Variants in NT5C3A observed in about 807,000 individuals in gnomAD.
NT5C3A encodes the protein cytosolic 5'-nucleotidase 3A.
NT5C3A carries 23 observed loss-of-function variants against 40.0 expected under a neutral mutation model. That is an observed-to-expected ratio of 0.58 (90% CI 0.41 to 0.81). The LOEUF is 0.81. NT5C3A is among the 40% of genes least tolerant of loss of function. The pLI, the probability that NT5C3A is intolerant of heterozygous loss-of-function variation, is 0.00. For missense variants in NT5C3A, 328 were observed against 403.0 expected (o/e 0.81, Z 1.59); for synonymous variants, 130 against 141.4 (o/e 0.92, Z 0.57).
In NT5C3A at chr7:33,040,951, A is replaced by G; in HGVS notation, c.139-14036T>C. 3.0e-6 allele frequency: 3 copies of G among 985,466 alleles called. No homozygotes were observed. The African/African-American group carries it at 5.2e-5, about 17-fold the overall frequency. The allele number at this position is 985,466 out of a possible 1,614,324, so 61.0% of individuals were successfully genotyped here. ...AAGTACTAATATAGCACAAGGTGCA[A>G]CTGAGGGCGGTTCCAAAAGCCTTGA... On this transcript the variant is annotated intron_variant, in intron 1 of 8. Coordinates refer to ENST00000610140, the MANE Select transcript of NT5C3A (RefSeq NM_001002010.5).
intron 1 of NT5C3A, among the ~76,000 whole-genome samples, chr7:33,053,766 G>A (rs377253000): frequency 6.6e-6 from 1 of 152,012 alleles, no homozygotes; most frequent in Non-Finnish European, 1.5e-5. Context: ...CAGTTCAAAG[G>A]GGACTCCATC....
chr7:33,049,803 A>G (rs1436702972), intron 1 of NT5C3A, among the ~76,000 whole-genome samples: 2 of 151,732 alleles, frequency 1.3e-5, no homozygotes, highest in Non-Finnish European at 2.9e-5. Flanking sequence ...CCCCGTCTCT[A>G]CTAAAAATAC....
intron 1 of NT5C3A, among the ~76,000 whole-genome samples, chr7:33,058,299 AAG>A (rs1248401170): frequency 1.2e-4 from 18 of 152,084 alleles, no homozygotes; most frequent in African/African-American, 3.9e-4. Flanking sequence ...TATGGAGAGT[AAG>A]TAACTATAAT....
Position 33,014,733 on chromosome 7 carries a change from T to A in NT5C3A, c.993A>T (p.Leu331=), listed in dbSNP as rs773115660. ...EVANSILQKI[L] ...GGTCTTCTTGGAGAATGCTTGTTTA[T>A]AGAATCTTCTGTAAAATAGAGTTGG... is the stretch of plus-strand genomic sequence containing the variant. Residue 331 remains leucine, a synonymous_variant, in exon 9 of 9, where the codon CTA becomes CTT. Transcript: ENST00000610140. 3 of 1,611,926 alleles carry A rather than the reference T, an allele frequency of 1.9e-6. No individual in the cohort carries two copies. In the Middle Eastern group the frequency reaches 6.3e-4, roughly 337 times the overall value.
chr7:33,039,381 A>G (rs1165156917), intron 1 of NT5C3A, among the ~76,000 whole-genome samples: 1 of 152,100 alleles, frequency 6.6e-6, no homozygotes, highest in Admixed American at 6.5e-5. Context: ...ACTCGCAGAA[A>G]CATGTAAACT....
At chr7:33,030,339 C>G (rs140693368) in intron 1 of NT5C3A, among the ~76,000 whole-genome samples, 44 of 152,242 alleles carry the variant, frequency 2.9e-4, no homozygotes, top group African/African-American at 9.6e-4. Flanking sequence ...ACTTTTGTTA[C>G]CTCCACAAAG....
chr7:33,022,934 T>C (rs1035103231), intron 3 of NT5C3A, among the ~76,000 whole-genome samples: 2 of 151,796 alleles, frequency 1.3e-5, no homozygotes, highest in Admixed American at 6.6e-5. Context: ...TTTTTTTTTT[T>C]CGAGACAGGG....
intron 2 of NT5C3A, among the ~76,000 whole-genome samples, chr7:33,025,105 C>A (rs1785846210): frequency 6.6e-6 from 1 of 152,040 alleles, no homozygotes; most frequent in African/African-American, 2.4e-5. Context: ...TGCCACTACA[C>A]TCCAACCTGG....
chr7:33,037,627 T>C (rs1786679702), intron 1 of NT5C3A, among the ~76,000 whole-genome samples: 1 of 152,136 alleles, frequency 6.6e-6, no homozygotes, highest in Non-Finnish European at 1.5e-5. Flanking sequence ...AATGTCTTTT[T>C]CTCCCTCTCT....
chr7:33,057,394 C>A (rs536992974), intron 1 of NT5C3A, among the ~76,000 whole-genome samples: 1 of 151,940 alleles, frequency 6.6e-6, no homozygotes, highest in Non-Finnish European at 1.5e-5. Context: ...CGTGGTGGTG[C>A]GTGCTTTAGT....
In NT5C3A at chr7:33,017,584, A is replaced by G; in HGVS notation, c.548T>C (p.Phe183Ser). 6.2e-7 allele frequency: 1 copy of G among 1,613,640 alleles called. No individual in the cohort carries two copies. Among genetic ancestry groups the G allele is most frequent in the Non-Finnish European group, 8.5e-7 (1 of 1,179,540 alleles). The change falls in exon 7 of 9, where the codon TTC becomes TCC. Residue 183 changes from phenylalanine (F) to serine (S), a missense_variant. Physicochemically the swap from Phe to Ser is radical, Grantham distance 155. This residue lies in a region of NT5C3A where 280 missense variants were observed against 317.2 expected (regional missense o/e 0.88). Coordinates refer to ENST00000610140, the MANE Select transcript of NT5C3A (RefSeq NM_001002010.5). Reference protein sequence around the residue: ...DVMLKEGYENFFDKLQQHSIP... With the variant: ...DVMLKEGYENSFDKLQQHSIP... ...GCTATGTTGTTGGAGCTTATCAAAG[A>G]AATTCTCATATCCTTCTCTGTAAGA... is the stretch of plus-strand genomic sequence containing the variant.
At chr7:33,062,432 C>A in intron 1 of NT5C3A, 136 bp downstream of exon 1, 1 of 777,272 alleles carries the variant, frequency 1.3e-6, no homozygotes. Flanking sequence ...CCCGAGCTAG[C>A]GAGATCCCAG....
rs1583882787 is a variant in NT5C3A at position 33,014,153 on chromosome 7, T to C, written c.*577A>G. 3 of 442,562 alleles carry C rather than the reference T, an allele frequency of 6.8e-6. No homozygotes were observed. In the Admixed American group the frequency reaches 7.4e-5, roughly 11 times the overall value. The allele number at this position is 442,562 out of a possible 1,614,324, so 27.4% of individuals were successfully genotyped here. ...AATTAAAAAGGTTTTGCATTTCATATTTATTATCAGTGCTTCAATATAGAA... is the reference window on the plus strand; with the variant it reads ...AATTAAAAAGGTTTTGCATTTCATACTTATTATCAGTGCTTCAATATAGAA... On this transcript the variant is annotated 3_prime_UTR_variant, in exon 9 of 9. Coordinates refer to ENST00000610140, the MANE Select transcript of NT5C3A (RefSeq NM_001002010.5).
chr7:33,062,211 C>T (rs955718253), intron 1 of NT5C3A, among the ~76,000 whole-genome samples: 2 of 152,210 alleles, frequency 1.3e-5, no homozygotes, highest in Non-Finnish European at 2.9e-5. Flanking sequence ...AAGGAGCCAC[C>T]TGCCCAGGAC....
At position 33,014,775 on chromosome 7, in the gene NT5C3A, A is replaced by C; in HGVS notation, c.951T>G (p.Asp317Glu). 3.7e-6 allele frequency: 6 copies of C among 1,613,124 alleles called. No homozygotes were observed. The highest frequency in any genetic ancestry group is 5.1e-6 in the Non-Finnish European group (6 of 1,179,744). Residue 317 changes from aspartate (D) to glutamate (E), a missense_variant, in exon 9 of 9, where the codon GAT becomes GAG. Asp to Glu is a conservative substitution (Grantham distance 45). This residue lies in a region of NT5C3A where 36 missense variants were observed against 51.1 expected (regional missense o/e 0.70). Coordinates refer to ENST00000610140, the MANE Select transcript of NT5C3A (RefSeq NM_001002010.5). ...MDSYDIVLVQ[D>E]ESLEVANSIL... ...TAGAGTTGGCTACTTCTAATGATTC[A>C]TCTTGTACTAAAACAATATCATAAG...
At chr7:33,061,604 G>A (rs750756920) in intron 1 of NT5C3A, among the ~76,000 whole-genome samples, 1 of 152,126 alleles carries the variant, frequency 6.6e-6, no homozygotes, top group Non-Finnish European at 1.5e-5. Context: ...CGTGTCTTTC[G>A]TCAGTTGGAA....
At chr7:33,059,750 G>A (rs1342152485) in intron 1 of NT5C3A, among the ~76,000 whole-genome samples, 2 of 152,196 alleles carry the variant, frequency 1.3e-5, no homozygotes, top group South Asian at 2.1e-4. Flanking sequence ...TGACTCTACA[G>A]TCTGTGCACA....
At chr7:33,044,377 T>C in intron 1 of NT5C3A, among the ~76,000 whole-genome samples, 1 of 105,298 alleles carries the variant, frequency 9.5e-6, no homozygotes, top group East Asian at 2.5e-4. Flanking sequence ...CTAATAGCTC[T>C]AGGGCACTTA....
intron 1 of NT5C3A, among the ~76,000 whole-genome samples, chr7:33,038,690 G>A (rs149052486): frequency 2.6e-5 from 4 of 152,214 alleles, no homozygotes; most frequent in Non-Finnish European, 4.4e-5. Context: ...TTTAAAAAGT[G>A]TAAAGACTCA....
Sources: allele counts gnomAD v4.1 joint callset (sites outside exome capture counted in the v4.1 genomes callset), GRCh38; gene constraint gnomAD v4.1.1; regional missense constraint gnomAD v4.1.1; transcripts MANE v1.5; gene names NCBI Gene and HGNC (gene_info 2026-07-23, HGNC 2026-07-21).